Variants in FGF14 observed in about 807,000 individuals in gnomAD.
FGF14 encodes fibroblast growth factor homologous factor 4.
Under a neutral mutation model 25.5 loss-of-function variants are expected in FGF14, and 5 were observed. That is an observed-to-expected ratio of 0.20 (90% CI 0.10 to 0.41). The LOEUF (loss-of-function observed/expected upper bound fraction) is 0.41, where lower values mean the gene tolerates loss of function less well. Ranked by LOEUF, FGF14 falls within the 10% of genes least tolerant of loss-of-function variation. The probability of loss-of-function intolerance (pLI) is 1.00; values close to 1 mark genes in which losing one functional copy is unlikely to be tolerated. For synonymous variants in FGF14, 138 were observed against 118.3 expected (o/e 1.17, Z -1.08); for missense variants, 222 against 320.1 (o/e 0.69, Z 2.34).
intron 3 of FGF14, among the ~76,000 whole-genome samples, chr13:101,790,872 A>G (rs2040196141): frequency 6.6e-6 from 1 of 152,142 alleles, no homozygotes; most frequent in Non-Finnish European, 1.5e-5. Context: ...GAACCTTGCA[A>G]TTCATTATAT....
At chr13:102,192,277 T>TTTCA (rs529183634) in intron 1 of FGF14, among the ~76,000 whole-genome samples, 107 of 152,334 alleles carry the variant, frequency 7.0e-4, no homozygotes, top group African/African-American at 2.4e-3. Flanking sequence ...GCAGCCTTTA[T>TTTCA]TTCATCTCAT....
At chr13:102,311,377 A>G (rs991879974) in intron 1 of FGF14, among the ~76,000 whole-genome samples, 6 of 152,148 alleles carry the variant, frequency 3.9e-5, no homozygotes, top group African/African-American at 1.4e-4. Flanking sequence ...TGAGCTCTTT[A>G]AAGTAAAACT....
intron 1 of FGF14, among the ~76,000 whole-genome samples, chr13:102,389,652 G>C (rs1394014787): frequency 2.0e-5 from 3 of 152,194 alleles, no homozygotes; most frequent in Non-Finnish European, 4.4e-5. Flanking sequence ...CCTCCCTGCA[G>C]AGAAAGATTA....
intron 3 of FGF14, among the ~76,000 whole-genome samples, chr13:101,747,478 A>T (rs1459544891): frequency 1.3e-5 from 2 of 151,942 alleles, no homozygotes; most frequent in African/African-American, 4.8e-5. Flanking sequence ...TTAAATGATG[A>T]CTCTCCTTCT....
intron 3 of FGF14, among the ~76,000 whole-genome samples, chr13:101,768,595 G>A (rs1819844702): frequency 1.3e-5 from 2 of 152,114 alleles, no homozygotes; most frequent in South Asian, 4.1e-4. Flanking sequence ...AACCAAGACA[G>A]TGAAGTATTG....
intron 1 of FGF14, among the ~76,000 whole-genome samples, chr13:102,154,807 G>A (rs1368702814): frequency 6.6e-6 from 1 of 151,920 alleles, no homozygotes; most frequent in Non-Finnish European, 1.5e-5. Context: ...TCAAAATAAA[G>A]GGATGGAGAA....
chr13:102,223,529 T>C (rs1594473033), intron 1 of FGF14, among the ~76,000 whole-genome samples: 1 of 152,216 alleles, frequency 6.6e-6, no homozygotes, highest in African/African-American at 2.4e-5. Flanking sequence ...GATAGTTTTA[T>C]TCTGCTTTTT....
At chr13:102,174,135 CT>C (rs35882587) in intron 1 of FGF14, among the ~76,000 whole-genome samples, 67,164 of 129,180 alleles carry the variant, frequency 0.52, 16,511 homozygotes, top group East Asian at 0.9. Flanking sequence ...ATCAGCATTT[CT>C]TTTTTTTTTT....
intron 2 of FGF14, among the ~76,000 whole-genome samples, chr13:101,873,778 A>G (rs977381050): frequency 7.2e-5 from 11 of 152,124 alleles, no homozygotes; most frequent in African/African-American, 2.4e-4. Context: ...AAAAGCTGCA[A>G]AAGTACATGT....
At chr13:102,099,538 T>C (rs1400639963) in intron 1 of FGF14, among the ~76,000 whole-genome samples, 1 of 152,012 alleles carries the variant, frequency 6.6e-6, no homozygotes, top group Non-Finnish European at 1.5e-5. Flanking sequence ...TTATATCACC[T>C]AATTCTTATA....
chr13:101,916,419 C>G, intron 1 of FGF14, 34 bp downstream of exon 1: 1 of 1,612,274 alleles, frequency 6.2e-7, no homozygotes, highest in Middle Eastern at 1.7e-4. Flanking sequence ...GGGGGCGACC[C>G]GGGGCGCATC....
chr13:101,902,951 C>T (rs1249082366), intron 1 of FGF14, among the ~76,000 whole-genome samples: 1 of 152,178 alleles, frequency 6.6e-6, no homozygotes, highest in East Asian at 1.9e-4. Flanking sequence ...CCAAAGAAAG[C>T]CAGCTGATAC....
intron 1 of FGF14, among the ~76,000 whole-genome samples, chr13:102,210,919 T>C (rs2050130772): frequency 1.3e-5 from 2 of 152,108 alleles, no homozygotes; most frequent in South Asian, 4.1e-4. Context: ...CCGAATGCAG[T>C]ATTGTTTTTA....
chr13:102,278,982 T>C (rs1350187801), intron 1 of FGF14, among the ~76,000 whole-genome samples: 1 of 152,106 alleles, frequency 6.6e-6, no homozygotes, highest in East Asian at 1.9e-4. Flanking sequence ...AAAGCAAAGG[T>C]GATATTATAT....
intron 1 of FGF14, among the ~76,000 whole-genome samples, chr13:101,946,843 G>A (rs559260406): frequency 1.3e-5 from 2 of 152,310 alleles, no homozygotes; most frequent in East Asian, 1.9e-4. Context: ...CTGGATTTGG[G>A]AGGTAGGATC....
At chr13:101,846,778 A>T (rs539881717) in intron 3 of FGF14, among the ~76,000 whole-genome samples, 2 of 152,050 alleles carry the variant, frequency 1.3e-5, no homozygotes, top group African/African-American at 4.8e-5. Context: ...GTGTAAGTTC[A>T]TGGCTTTAAA....
intron 1 of FGF14, among the ~76,000 whole-genome samples, chr13:101,974,457 T>C (rs368037919): frequency 6.6e-6 from 1 of 152,354 alleles, no homozygotes; most frequent in African/African-American, 2.4e-5. Flanking sequence ...ATGCCTAGTT[T>C]ATATCAATAT....
intron 1 of FGF14, among the ~76,000 whole-genome samples, chr13:102,124,596 T>G (rs1036132844): frequency 9.2e-5 from 14 of 152,082 alleles, no homozygotes; most frequent in African/African-American, 3.4e-4. Flanking sequence ...ATGGATACAG[T>G]TCTGGAAATG....
At chr13:102,221,768 T>C (rs961500386) in intron 1 of FGF14, among the ~76,000 whole-genome samples, 25 of 152,214 alleles carry the variant, frequency 1.6e-4, no homozygotes, top group African/African-American at 5.3e-4. Flanking sequence ...TAAACATTTG[T>C]CAAATTTTTA....
Sources: gnomAD v4.1 joint callset for allele counts (sites outside exome capture counted in the v4.1 genomes callset) on GRCh38, gnomAD v4.1.1 for gene constraint, MANE v1.5 for transcripts, NCBI Gene and HGNC (gene_info 2026-07-23, HGNC 2026-07-21) for gene names.